TTC6: variants seen among roughly 807,000 people sequenced by gnomAD.
TTC6 encodes the protein tetratricopeptide repeat domain 6.
Under a neutral mutation model 210.4 loss-of-function variants are expected in TTC6, and 172 were observed. The ratio of observed to expected loss-of-function variants is 0.82; its 90% CI spans 0.72 to 0.93. TTC6 has a LOEUF of 0.93. TTC6 is among the 40% of genes least tolerant of loss of function. The pLI, the probability that TTC6 is intolerant of heterozygous loss-of-function variation, is 0.00. For synonymous variants in TTC6, 804 were observed against 819.6 expected, an observed-to-expected ratio of 0.98 and a Z score of 0.32; for missense variants, 2,414 against 2,318.1, an observed-to-expected ratio of 1.04 and a Z score of -0.85.
intron 2 of TTC6, among the ~76,000 whole-genome samples, chr14:37,614,062 T>C (rs2095638826): frequency 6.6e-6 from 1 of 152,116 alleles, no homozygotes; most frequent in Admixed American, 6.5e-5. Flanking sequence ...TTTAGACCTT[T>C]CTTCTTTTTG....
At chr14:37,839,018 G>A (rs2096204195) in intron 29 of TTC6, among the ~76,000 whole-genome samples, 1 of 152,190 alleles carries the variant, frequency 6.6e-6, no homozygotes, top group African/African-American at 2.4e-5. Flanking sequence ...ATTCCATGGT[G>A]TATATGTGCC....
intron 5 of TTC6, among the ~76,000 whole-genome samples, chr14:37,708,077 C>T (rs2095838732): frequency 6.6e-6 from 1 of 151,910 alleles, no homozygotes; most frequent in Non-Finnish European, 1.5e-5. Context: ...ATAAGCTTTT[C>T]TTCTGTGCAT....
intron 1 of TTC6, among the ~76,000 whole-genome samples, chr14:37,644,125 A>G (rs2095697463): frequency 6.6e-6 from 1 of 152,206 alleles, no homozygotes; most frequent in Non-Finnish European, 1.5e-5. Context: ...TCGAGTTACA[A>G]TGAAAGAGGG....
chr14:37,730,505 G>A (rs1360930488), intron 7 of TTC6, among the ~76,000 whole-genome samples: 1 of 152,106 alleles, frequency 6.6e-6, no homozygotes, highest in Non-Finnish European at 1.5e-5. Context: ...TAATTTTAAT[G>A]TTCACTCTGT....
At chr14:37,701,680 T>C (rs930422279) in intron 5 of TTC6, among the ~76,000 whole-genome samples, 154 bp downstream of exon 7, 2 of 152,178 alleles carry the variant, frequency 1.3e-5, no homozygotes, top group Non-Finnish European at 2.9e-5. Context: ...TCCTCAGGTA[T>C]ACAGTCTAGG....
intron 1 of TTC6, among the ~76,000 whole-genome samples, chr14:37,606,154 G>A (rs757838326): frequency 6.6e-6 from 1 of 152,118 alleles, no homozygotes; most frequent in South Asian, 2.1e-4. Flanking sequence ...AAGTCTGGAG[G>A]TAATCAATGC....
intron 5 of TTC6, among the ~76,000 whole-genome samples, chr14:37,712,959 C>T (rs2095846920): frequency 6.6e-6 from 1 of 152,096 alleles, no homozygotes; most frequent in Non-Finnish European, 1.5e-5. Context: ...AGGGAGATCT[C>T]CCAGGGATGA....
intron 26 of TTC6, among the ~76,000 whole-genome samples, chr14:37,823,329 G>A (rs1359858857): frequency 6.6e-6 from 1 of 152,042 alleles, no homozygotes; most frequent in Non-Finnish European, 1.5e-5. Context: ...TGTTTTCATT[G>A]TATAAGGAAA....
chr14:37,812,368 C>A, exon 25 of TTC6: 2 of 1,613,460 alleles, frequency 1.2e-6, no homozygotes, highest in Non-Finnish European at 1.7e-6. Context: ...AACTGTAAAA[C>A]TAAATACCTT....
chr14:37,684,541 T>C (rs924546718), intron 3 of TTC6, among the ~76,000 whole-genome samples: 1 of 152,132 alleles, frequency 6.6e-6, no homozygotes, highest in South Asian at 2.1e-4. Context: ...AGACTCTAAA[T>C]TGAAATGAGA....
At chr14:37,692,915 C>T (rs184599980) in intron 3 of TTC6, among the ~76,000 whole-genome samples, 42 of 151,820 alleles carry the variant, frequency 2.8e-4, no homozygotes, top group African/African-American at 9.9e-4. Flanking sequence ...CCCAAAACCA[C>T]ATATGACAGA....
chr14:37,687,511 A>G (rs2095796229), intron 3 of TTC6, among the ~76,000 whole-genome samples: 1 of 151,744 alleles, frequency 6.6e-6, no homozygotes, highest in South Asian at 2.1e-4. Flanking sequence ...GCAGCTAAGG[A>G]GTGCTGGCAT....
At chr14:37,613,527 T>G (rs1005183773) in intron 2 of TTC6, among the ~76,000 whole-genome samples, 1 of 152,124 alleles carries the variant, frequency 6.6e-6, no homozygotes, top group Non-Finnish European at 1.5e-5. Context: ...TCCTCCCTCC[T>G]CTATTTGCTG....
chr14:37,661,845 A>G (rs1209893261), intron 1 of TTC6, among the ~76,000 whole-genome samples: 2 of 152,068 alleles, frequency 1.3e-5, no homozygotes, highest in Non-Finnish European at 2.9e-5. Flanking sequence ...GGTTTCCTTA[A>G]GCAGTGGTTT....
At chr14:37,627,991 A>G (rs1227836337) in intron 1 of TTC6, among the ~76,000 whole-genome samples, 3 of 152,124 alleles carry the variant, frequency 2.0e-5, no homozygotes, top group Non-Finnish European at 4.4e-5. Flanking sequence ...TTGTTTTGAG[A>G]TGGAGTTTCG....
intron 1 of TTC6, among the ~76,000 whole-genome samples, chr14:37,638,783 C>T (rs1010202758): frequency 1.3e-5 from 2 of 152,204 alleles, no homozygotes; most frequent in Admixed American, 1.3e-4. Flanking sequence ...CTGTATTTTT[C>T]TTAGAACTGA....
chr14:37,793,070 A>G (rs2096084209), intron 17 of TTC6, among the ~76,000 whole-genome samples: 1 of 152,164 alleles, frequency 6.6e-6, no homozygotes, highest in Admixed American at 6.5e-5. Flanking sequence ...ACACCCATTT[A>G]TACCACTTCA....
intron 2 of TTC6, among the ~76,000 whole-genome samples, chr14:37,607,714 G>A (rs1304882630): frequency 6.7e-6 from 1 of 150,238 alleles, no homozygotes; most frequent in Non-Finnish European, 1.5e-5. Flanking sequence ...CTGCAGCCTT[G>A]GACTCCTGGG....
chr14:37,830,071 A>G (rs1049687329), intron 29 of TTC6, among the ~76,000 whole-genome samples: 2 of 151,996 alleles, frequency 1.3e-5, no homozygotes, highest in African/African-American at 4.8e-5. Flanking sequence ...TATTCCTTGG[A>G]GTTTTGCATG....
Sources: allele counts gnomAD v4.1 joint callset (sites outside exome capture counted in the v4.1 genomes callset), GRCh38; gene constraint gnomAD v4.1.1; transcripts MANE v1.5; gene names NCBI Gene and HGNC (gene_info 2026-07-23, HGNC 2026-07-21).